The following GRID2 variants were observed in gnomAD, a reference collection of about 807,000 sequenced individuals.
GRID2 encodes the protein glutamate ionotropic receptor delta type subunit 2, also known as glutamate receptor ionotropic, delta-2.
Under a neutral mutation model 114.8 loss-of-function variants are expected in GRID2, and 33 were observed. The ratio of observed to expected loss-of-function variants is 0.29; its 90% CI spans 0.22 to 0.38. GRID2 has a LOEUF of 0.38. Among genes scored for constraint, GRID2 ranks in the 10% least tolerant of loss-of-function variants. The probability of loss-of-function intolerance (pLI) is 1.00; values close to 1 mark genes in which losing one functional copy is unlikely to be tolerated. For missense variants in GRID2, 1,184 were observed against 1,257.7 expected (o/e 0.94, Z 0.89); for synonymous variants, 505 against 449.9 (o/e 1.12, Z -1.55).
intron 2 of GRID2, among the ~76,000 whole-genome samples, chr4:92,944,791 A>G (rs762766323): frequency 8.6e-5 from 13 of 151,974 alleles, no homozygotes; most frequent in African/African-American, 2.4e-4. Flanking sequence ...TTTTTTTCCT[A>G]TAGTATGTTG....
At chr4:92,447,187 T>C (rs1004707377) in intron 1 of GRID2, among the ~76,000 whole-genome samples, 1 of 152,236 alleles carries the variant, frequency 6.6e-6, no homozygotes, top group African/African-American at 2.4e-5. Flanking sequence ...AGTTTGTATT[T>C]ATGTGATAAT....
chr4:92,569,834 G>A (rs7695324), intron 1 of GRID2, among the ~76,000 whole-genome samples: 61,406 of 151,554 alleles, frequency 0.41, 12,549 homozygotes, highest in African/African-American at 0.48. Flanking sequence ...TGTGAGTTTA[G>A]GTTCCTTATA....
At chr4:92,537,200 G>C (rs1725679419) in intron 1 of GRID2, among the ~76,000 whole-genome samples, 1 of 152,150 alleles carries the variant, frequency 6.6e-6, no homozygotes, top group Admixed American at 6.5e-5. Context: ...GTATGTTGGA[G>C]ATGAGGGATT....
rs68069370 is a variant in GRID2, at chr4:92,749,310, C to CTTT, written c.244+159044_244+159046dup. Among the ~76,000 whole-genome samples the CTTT allele has an allele frequency of 3.7e-4, 27 of 72,028 alleles. 2 individuals carry two copies. Among genetic ancestry groups the CTTT allele is most frequent in the Admixed American group, 6.1e-4 (3 of 4,930 alleles). The allele number at this position is 72,028 out of a possible 152,430, so 47.3% of individuals were successfully genotyped here. ...CGCCGCGCCCGGCCTTGATTTGTAG[C>CTTT]TTTTTTTTTTTTTTTTTTTTTTGAG... On this transcript the variant is annotated intron_variant, in intron 2 of 15. Coordinates refer to ENST00000282020, the MANE Select transcript of GRID2 (RefSeq NM_001510.4).
rs549808194 is a variant in GRID2 at position 92,646,163 on chromosome 4, T to C, written c.244+55877T>C. 2.6e-4 allele frequency among the ~76,000 whole-genome samples: 3 copies of C among 11,560 alleles called. No individual in the cohort carries two copies. In the South Asian group the frequency reaches 7.0e-3, roughly 27 times the overall value. The allele number at this position is 11,560 out of a possible 152,430, so 7.6% of individuals were successfully genotyped here. Reference sequence around the variant, plus strand: ...TGGGTGGGCTATCTCATTGAAGTTTTAACTTGCAGTTCATCTATAATTAAT... The same window carrying C: ...TGGGTGGGCTATCTCATTGAAGTTTCAACTTGCAGTTCATCTATAATTAAT... On this transcript the variant is annotated intron_variant, in intron 2 of 15. Coordinates refer to ENST00000282020, the MANE Select transcript of GRID2 (RefSeq NM_001510.4).
chr4:92,954,222 CAT>C (rs1028783639), intron 2 of GRID2, among the ~76,000 whole-genome samples: 21 of 151,784 alleles, frequency 1.4e-4, no homozygotes, highest in African/African-American at 3.4e-4. Context: ...TACACACAAA[CAT>C]ATACACACAC....
chr4:92,621,149 A>G (rs569508680), intron 2 of GRID2, among the ~76,000 whole-genome samples: 1 of 151,898 alleles, frequency 6.6e-6, no homozygotes, highest in Admixed American at 6.6e-5. Context: ...AGACCATCCC[A>G]TCACTCAGAT....
At chr4:93,354,242 C>T (rs531705012) in intron 8 of GRID2, among the ~76,000 whole-genome samples, 20 of 151,892 alleles carry the variant, frequency 1.3e-4, no homozygotes, top group Admixed American at 5.9e-4. Context: ...AACTTGTTTT[C>T]GTTGAATTCA....
chr4:92,663,841 A>G lies in GRID2; in HGVS notation c.244+73555A>G, dbSNP rs139173876. Among the ~76,000 whole-genome samples the G allele has an allele frequency of 4.0e-3, 611 of 151,128 alleles. 6 individuals carry two copies. The highest frequency in any genetic ancestry group is 0.014 in the African/African-American group (577 of 41,378). The stretch of plus-strand genomic sequence containing the variant: ...CTGGCAACTGGCATTCTCCTTTCTG[A>G]CATTATAATTTTGGCTACGCTGAGT... On this transcript the variant is annotated intron_variant, in intron 2 of 15. Transcript: ENST00000282020.
intron 13 of GRID2, among the ~76,000 whole-genome samples, chr4:93,543,211 T>G (rs550463444): frequency 1.3e-5 from 2 of 152,202 alleles, no homozygotes; most frequent in African/African-American, 2.4e-5. Flanking sequence ...TGTCTGTGAT[T>G]GTAAGCTTTT....
intron 1 of GRID2, among the ~76,000 whole-genome samples, chr4:92,431,188 T>A (rs185267104): frequency 9.2e-5 from 14 of 152,342 alleles, no homozygotes; most frequent in African/African-American, 3.4e-4. Flanking sequence ...ATTCCAGATC[T>A]TAAAGGAAGG....
intron 4 of GRID2, among the ~76,000 whole-genome samples, chr4:93,118,066 A>G (rs749329253): frequency 6.6e-6 from 1 of 152,110 alleles, no homozygotes; most frequent in Non-Finnish European, 1.5e-5. Context: ...CTTTTCAACT[A>G]TCAAGACTTC....
chr4:93,663,973 C>A (rs770783270), intron 14 of GRID2, among the ~76,000 whole-genome samples: 1 of 151,990 alleles, frequency 6.6e-6, no homozygotes, highest in African/African-American at 2.4e-5. Flanking sequence ...CTACAAAGGA[C>A]AATATAAGAT....
At chr4:92,613,077 A>T (rs963685833) in intron 2 of GRID2, among the ~76,000 whole-genome samples, 4 of 151,408 alleles carry the variant, frequency 2.6e-5, no homozygotes, top group African/African-American at 9.7e-5. Flanking sequence ...GATGCTATTT[A>T]TCATGTTGAA....
At chr4:92,548,186 G>A (rs1368773368) in intron 1 of GRID2, among the ~76,000 whole-genome samples, 1 of 151,994 alleles carries the variant, frequency 6.6e-6, no homozygotes, top group African/African-American at 2.4e-5. Flanking sequence ...CTCAATTAAA[G>A]ATGTAATATG....
chr4:92,453,496 C>T (rs996195216), intron 1 of GRID2, among the ~76,000 whole-genome samples: 4 of 151,956 alleles, frequency 2.6e-5, no homozygotes, highest in Admixed American at 6.6e-5. Context: ...GTATCAAAAA[C>T]CGATGTATAT....
chr4:92,657,416 T>C (rs1452251086), intron 2 of GRID2, among the ~76,000 whole-genome samples: 1 of 151,724 alleles, frequency 6.6e-6, no homozygotes, highest in Non-Finnish European at 1.5e-5. Flanking sequence ...TATTTTTCTG[T>C]TACACCAAAT....
At chr4:93,599,105 G>T (rs1385644770) in intron 13 of GRID2, among the ~76,000 whole-genome samples, 7 of 152,186 alleles carry the variant, frequency 4.6e-5, no homozygotes, top group African/African-American at 7.2e-5. Flanking sequence ...ACCAGGAAAT[G>T]ATACTGTCTC....
In GRID2 at chr4:93,080,938, G is replaced by A. The variant is rs182039896; in HGVS notation, c.245-4057G>A. On this transcript the variant is annotated intron_variant, in intron 2 of 15. Transcript: ENST00000282020. ...AAGGGCAAAGAGAGGGCAAGAGAAAGCCAAGGGGAGGCCAAACCTGTCTTT... is the reference window on the plus strand; with the variant it reads ...AAGGGCAAAGAGAGGGCAAGAGAAAACCAAGGGGAGGCCAAACCTGTCTTT... Among the ~76,000 whole-genome samples the A allele has an allele frequency of 6.6e-5, 10 of 152,282 alleles. No homozygotes were observed. The East Asian group carries it at 1.7e-3, about 26-fold the overall frequency.
Sources: gnomAD v4.1 joint callset for allele counts (sites outside exome capture counted in the v4.1 genomes callset) on GRCh38, gnomAD v4.1.1 for gene constraint, MANE v1.5 for transcripts, NCBI Gene and HGNC (gene_info 2026-07-23, HGNC 2026-07-21) for gene names.